Variants in PPFIA2 observed in about 807,000 individuals in gnomAD.
PPFIA2 encodes liprin-alpha-2.
A neutral mutation model predicts 175.5 loss-of-function variants in PPFIA2; 46 were observed. The ratio of observed to expected loss-of-function variants is 0.26; its 90% CI spans 0.21 to 0.34. The LOEUF (loss-of-function observed/expected upper bound fraction) is 0.34, where lower values mean the gene tolerates loss of function less well. Among genes scored for constraint, PPFIA2 ranks in the 10% least tolerant of loss-of-function variants. The pLI, the probability that PPFIA2 is intolerant of heterozygous loss-of-function variation, is 1.00. For missense variants in PPFIA2, 1,179 were observed against 1,506.1 expected, an observed-to-expected ratio of 0.78 and a Z score of 3.60; for synonymous variants, 568 against 511.4, an observed-to-expected ratio of 1.11 and a Z score of -1.49.
At chr12:81,391,489 T>A (rs1025212446) in intron 8 of PPFIA2, among the ~76,000 whole-genome samples, 1 of 151,886 alleles carries the variant, frequency 6.6e-6, no homozygotes, top group African/African-American at 2.4e-5. Flanking sequence ...CAAGGAGCCA[T>A]CAAAGTTGTT....
intron 22 of PPFIA2, among the ~76,000 whole-genome samples, chr12:81,308,425 G>A (rs951672757): frequency 4.6e-5 from 7 of 152,174 alleles, no homozygotes; most frequent in African/African-American, 1.4e-4. Flanking sequence ...GCCAGTTGGA[G>A]TCATGGAACC....
At chr12:81,683,807 G>A (rs949736843) in intron 3 of PPFIA2, among the ~76,000 whole-genome samples, 2 of 152,002 alleles carry the variant, frequency 1.3e-5, no homozygotes, top group Admixed American at 6.6e-5. Context: ...GGTTTATTTG[G>A]TGCAGAATTC....
chr12:81,436,038 G>A (rs1484811268), intron 7 of PPFIA2, among the ~76,000 whole-genome samples: 4 of 151,730 alleles, frequency 2.6e-5, no homozygotes, highest in African/African-American at 7.3e-5. Context: ...AGTGCTTTGG[G>A]AGGCCGAGTT....
At chr12:81,598,161 T>C (rs1488411350) in intron 4 of PPFIA2, 3 of 1,450,610 alleles carry the variant, frequency 2.1e-6, no homozygotes, top group Non-Finnish European at 2.7e-6. Context: ...CCATCCTTCT[T>C]ACATACACAG....
intron 3 of PPFIA2, among the ~76,000 whole-genome samples, chr12:81,742,191 G>A (rs977324427): frequency 1.3e-5 from 2 of 152,196 alleles, no homozygotes; most frequent in African/African-American, 4.8e-5. Flanking sequence ...TAAAGACCTA[G>A]GCTTTTCCAT....
chr12:81,464,217 C>T (rs2055164320), intron 4 of PPFIA2, among the ~76,000 whole-genome samples: 1 of 152,082 alleles, frequency 6.6e-6, no homozygotes, highest in Admixed American at 6.6e-5. Flanking sequence ...GCCACTGAGC[C>T]TTGCTGTTTA....
At chr12:81,341,015 G>T (rs1004085088) in intron 20 of PPFIA2, 63 bp downstream of exon 20, 2 of 1,457,406 alleles carry the variant, frequency 1.4e-6, no homozygotes, top group Non-Finnish European at 1.9e-6. Context: ...CGACAACAAC[G>T]AAGGAAGAGG....
At chr12:81,440,435 T>C (rs898165981) in intron 6 of PPFIA2, among the ~76,000 whole-genome samples, 25 of 152,280 alleles carry the variant, frequency 1.6e-4, no homozygotes, top group African/African-American at 5.5e-4. Flanking sequence ...CCCACCTTTT[T>C]CTCTACTTCT....
At chr12:81,337,739 C>T (rs988058681) in intron 21 of PPFIA2, among the ~76,000 whole-genome samples, 1 of 151,956 alleles carries the variant, frequency 6.6e-6, no homozygotes, top group Admixed American at 6.6e-5. Flanking sequence ...ATGATGTTAG[C>T]AAAATTAATA....
At chr12:81,520,258 A>G (rs145674148) in intron 4 of PPFIA2, among the ~76,000 whole-genome samples, 26 of 152,336 alleles carry the variant, frequency 1.7e-4, no homozygotes, top group African/African-American at 5.5e-4. Flanking sequence ...CAGGTAGTGC[A>G]GACAGCATGG....
intron 9 of PPFIA2, among the ~76,000 whole-genome samples, chr12:81,383,226 G>A (rs575471957): frequency 6.6e-6 from 1 of 152,172 alleles, no homozygotes; most frequent in Admixed American, 6.6e-5. Context: ...CAACTAGCTA[G>A]TTATATACAA....
intron 8 of PPFIA2, among the ~76,000 whole-genome samples, chr12:81,398,622 C>G (rs1356848742): frequency 6.6e-6 from 1 of 152,034 alleles, no homozygotes; most frequent in Non-Finnish European, 1.5e-5. Flanking sequence ...ACATAAAGGA[C>G]TTTATGCTGG....
intron 4 of PPFIA2, among the ~76,000 whole-genome samples, chr12:81,481,988 T>C (rs529000857): frequency 6.6e-6 from 1 of 152,136 alleles, no homozygotes; most frequent in Non-Finnish European, 1.5e-5. Context: ...TTGCAATCTA[T>C]CCATCTGACA....
intron 4 of PPFIA2, among the ~76,000 whole-genome samples, chr12:81,596,500 GTAGT>G (rs888471321): frequency 2.6e-5 from 4 of 152,156 alleles, no homozygotes; most frequent in Admixed American, 1.3e-4. Flanking sequence ...CAAAAAGGGG[GTAGT>G]TAAAAATCGT....
chr12:81,517,308 T>G (rs1372441983), intron 4 of PPFIA2, among the ~76,000 whole-genome samples: 1 of 152,056 alleles, frequency 6.6e-6, no homozygotes, highest in African/African-American at 2.4e-5. Context: ...TCCAGGAGAA[T>G]TACTGTCTCT....
intron 2 of PPFIA2, among the ~76,000 whole-genome samples, 152 bp downstream of exon 2, chr12:81,758,248 A>T (rs1177002290): frequency 6.7e-6 from 1 of 148,712 alleles, no homozygotes; most frequent in African/African-American, 2.4e-5. Context: ...GAGATAGGAG[A>T]TGGAGAGGAT....
intron 3 of PPFIA2, among the ~76,000 whole-genome samples, chr12:81,733,430 A>T (rs2153643571): frequency 6.6e-6 from 1 of 151,774 alleles, no homozygotes; most frequent in Admixed American, 6.6e-5. Flanking sequence ...TGTATTGTGC[A>T]CTTAAAATTT....
At chr12:81,329,988 A>C (rs1386262866) in intron 21 of PPFIA2, among the ~76,000 whole-genome samples, 1 of 152,200 alleles carries the variant, frequency 6.6e-6, no homozygotes, top group South Asian at 2.1e-4. Flanking sequence ...GGGCTTGCGA[A>C]GGCTCAGGGC....
intron 4 of PPFIA2, among the ~76,000 whole-genome samples, chr12:81,637,769 G>A (rs949026154): frequency 5.3e-5 from 8 of 152,138 alleles, no homozygotes; most frequent in African/African-American, 1.9e-4. Flanking sequence ...ATGTGGAAAA[G>A]AGACAACAGT....
Sources: allele counts gnomAD v4.1 joint callset (sites outside exome capture counted in the v4.1 genomes callset), GRCh38; gene constraint gnomAD v4.1.1; transcripts MANE v1.5; gene names NCBI Gene and HGNC (gene_info 2026-07-23, HGNC 2026-07-21).